Variants in CEP112 observed in about 807,000 individuals in gnomAD.
CEP112 encodes centrosomal protein 112.
In CEP112, 127 loss-of-function variants were observed where a neutral mutation model predicts 153.0. That is an observed-to-expected ratio of 0.83 (90% CI 0.72 to 0.96). The LOEUF is 0.96. CEP112 is among the 40% of genes least tolerant of loss of function. The pLI is 0.00. For synonymous variants in CEP112, 358 were observed against 374.4 expected (o/e 0.96, Z 0.51); for missense variants, 1,089 against 1,101.2 (o/e 0.99, Z 0.16).
At chr17:66,099,350 A>G (rs1418762729) in intron 6 of CEP112, among the ~76,000 whole-genome samples, 3 of 152,044 alleles carry the variant, frequency 2.0e-5, no homozygotes. Context: ...CTAAAAATAC[A>G]AAAATTGGCT....
At position 65,649,833 on chromosome 17, in the gene CEP112, T is replaced by C. The variant is rs144892940; in HGVS notation, c.2698-8768A>G. 1.2e-4 allele frequency among the ~76,000 whole-genome samples: 19 copies of C among 152,212 alleles called. No individual in the cohort carries two copies. The East Asian group carries it at 3.5e-3, about 28-fold the overall frequency. The stretch of plus-strand genomic sequence containing the variant: ...AAGTAAAAATTCTATGGATGTTATC[T>C]CCTTAATCTCTTTCCACTTTGCCAC... On this transcript the variant is annotated intron_variant, in intron 24 of 26. Transcript: ENST00000535342.
At chr17:65,764,568 T>C (rs1434571612) in intron 21 of CEP112, among the ~76,000 whole-genome samples, 5 of 152,154 alleles carry the variant, frequency 3.3e-5, no homozygotes, top group Admixed American at 3.3e-4. Flanking sequence ...CTATTTTAAA[T>C]CTAAATATGG....
chr17:65,973,595 G>A (rs781624503), intron 17 of CEP112, among the ~76,000 whole-genome samples: 3 of 152,120 alleles, frequency 2.0e-5, no homozygotes, highest in Non-Finnish European at 4.4e-5. Flanking sequence ...TTAAAACACT[G>A]ATGATATCAA....
At chr17:65,657,979 T>G (rs2046143408) in intron 24 of CEP112, among the ~76,000 whole-genome samples, 1 of 152,232 alleles carries the variant, frequency 6.6e-6, no homozygotes, top group African/African-American at 2.4e-5. Context: ...AAATTTAGAT[T>G]GAATGTAGTA....
chr17:66,132,642 A>G (rs229854), intron 5 of CEP112, 28 bp downstream of exon 5: 1 of 1,524,356 alleles, frequency 6.6e-7, no homozygotes, highest in African/African-American at 1.4e-5. Context: ...ACAAGCAAAA[A>G]CCAAACAAAA....
At chr17:65,761,963 G>A (rs1050124881) in intron 21 of CEP112, among the ~76,000 whole-genome samples, 11 of 152,042 alleles carry the variant, frequency 7.2e-5, no homozygotes, top group Non-Finnish European at 1.3e-4. Flanking sequence ...CTGCCTGCTG[G>A]ATCTGTCCAT....
rs146988762 is a variant in CEP112 at position 66,035,132 on chromosome 17, G to A, written c.1219-5109C>T. Reference sequence around the variant, plus strand: ...TAGGATTACAAGCGTGTGCCACCACGCCCAGCCTGAACTTGAAATTTTGAC... The same window carrying A: ...TAGGATTACAAGCGTGTGCCACCACACCCAGCCTGAACTTGAAATTTTGAC... On this transcript the variant is annotated intron_variant, in intron 12 of 26. Coordinates refer to ENST00000535342, the MANE Select transcript of CEP112 (RefSeq NM_001199165.4). Among the ~76,000 whole-genome samples, 275 of 150,888 alleles carry A rather than the reference G, an allele frequency of 1.8e-3. 1 individual carries two copies. Among genetic ancestry groups the A allele is most frequent in the African/African-American group, 6.3e-3 (257 of 41,092 alleles).
intron 23 of CEP112, among the ~76,000 whole-genome samples, chr17:65,741,350 A>G (rs1401007367): frequency 6.6e-6 from 1 of 152,108 alleles, no homozygotes; most frequent in Non-Finnish European, 1.5e-5. Context: ...GGTTAGTAAA[A>G]AAGAAATGTC....
At chr17:65,788,564 A>G (rs1030353162) in intron 21 of CEP112, among the ~76,000 whole-genome samples, 10 of 152,138 alleles carry the variant, frequency 6.6e-5, no homozygotes, top group African/African-American at 1.9e-4. Flanking sequence ...TAAATGCTAT[A>G]TTTATTTAAT....
chr17:66,105,891 T>G (rs370924845), intron 6 of CEP112, among the ~76,000 whole-genome samples: 2 of 152,208 alleles, frequency 1.3e-5, no homozygotes, highest in African/African-American at 2.4e-5. Flanking sequence ...ACAGACTGTA[T>G]GTTAGGCCAC....
intron 11 of CEP112, among the ~76,000 whole-genome samples, chr17:66,062,461 T>C (rs1276312492): frequency 6.6e-6 from 1 of 152,118 alleles, no homozygotes; most frequent in Non-Finnish European, 1.5e-5. Flanking sequence ...CTAATTACTC[T>C]GATTTTATCA....
chr17:66,073,426 A>G (rs1598294523), intron 8 of CEP112, among the ~76,000 whole-genome samples: 1 of 152,222 alleles, frequency 6.6e-6, no homozygotes. Context: ...GCTTCCCAGA[A>G]GATTTCCCTG....
intron 8 of CEP112, among the ~76,000 whole-genome samples, chr17:66,091,797 GA>G (rs2068141260): frequency 2.0e-5 from 3 of 151,732 alleles, no homozygotes; most frequent in African/African-American, 4.8e-5. Flanking sequence ...GCTAGACTAA[GA>G]AAAAAATAAG....
intron 18 of CEP112, among the ~76,000 whole-genome samples, chr17:65,944,982 T>G (rs776915620): frequency 6.6e-6 from 1 of 152,182 alleles, no homozygotes; most frequent in Non-Finnish European, 1.5e-5. Context: ...AAAGGGAACA[T>G]GGATGATTTT....
chr17:65,895,381 C>T (rs1054293383), intron 20 of CEP112, among the ~76,000 whole-genome samples: 19 of 152,002 alleles, frequency 1.2e-4, no homozygotes, highest in African/African-American at 4.3e-4. Flanking sequence ...CTGTTAAACA[C>T]ATACAAACAT....
intron 8 of CEP112, among the ~76,000 whole-genome samples, chr17:66,086,322 C>T (rs2067927106): frequency 6.6e-6 from 1 of 150,552 alleles, no homozygotes; most frequent in Admixed American, 6.6e-5. Flanking sequence ...TATCCTCATG[C>T]CAACAATTAA....
chr17:65,855,759 A>G (rs1403135335), intron 20 of CEP112, among the ~76,000 whole-genome samples: 1 of 152,196 alleles, frequency 6.6e-6, no homozygotes, highest in African/African-American at 2.4e-5. Flanking sequence ...CAGATGAAAC[A>G]AGAATTTTTT....
intron 17 of CEP112, among the ~76,000 whole-genome samples, chr17:65,972,222 TA>T (rs1331722584): frequency 6.6e-6 from 1 of 152,162 alleles, no homozygotes; most frequent in Non-Finnish European, 1.5e-5. Context: ...ATTGTGAAAT[TA>T]AAAATCAATA....
chr17:66,044,428 G>A (rs995369), intron 12 of CEP112, among the ~76,000 whole-genome samples: 62,515 of 151,898 alleles, frequency 0.41, 14,329 homozygotes, highest in East Asian at 0.87. Context: ...CCACGTACAC[G>A]GCAGCATTAT....
Sources: allele counts gnomAD v4.1 joint callset (sites outside exome capture counted in the v4.1 genomes callset), GRCh38; gene constraint gnomAD v4.1.1; transcripts MANE v1.5; gene names NCBI Gene and HGNC (gene_info 2026-07-23, HGNC 2026-07-21).